TNFAIP6: variants seen among roughly 807,000 people sequenced by gnomAD.
The protein encoded by TNFAIP6 is TNF alpha induced protein 6, also known as tumor necrosis factor-inducible gene 6 protein.
Under a neutral mutation model 33.7 loss-of-function variants are expected in TNFAIP6, and 36 were observed. That is an observed-to-expected ratio of 1.07 (90% CI 0.82 to 1.41). The LOEUF is 1.41. Ranked by LOEUF, TNFAIP6 falls within the 40% of genes most tolerant of loss-of-function variation. TNFAIP6 has a pLI of 0.00. For synonymous variants in TNFAIP6, 113 were observed against 112.8 expected, an observed-to-expected ratio of 1.00 and a Z score of -0.01; for missense variants, 273 against 331.9, an observed-to-expected ratio of 0.82 and a Z score of 1.38.
intron 1 of TNFAIP6, among the ~76,000 whole-genome samples, chr2:151,362,480 CTTTTTTTTTTTTTTTTTT>C (rs34640251): frequency 1.4e-4 from 8 of 56,942 alleles, no homozygotes; most frequent in Admixed American, 1.0e-3. Context: ...TTACTAAATT[CTTTTTTTTTTTTTTTTTT>C]TTTTTTTTTT....
intron 5 of TNFAIP6, among the ~76,000 whole-genome samples, chr2:151,374,866 C>T (rs1684875893): frequency 1.3e-5 from 2 of 152,168 alleles, no homozygotes; most frequent in Admixed American, 1.3e-4. Context: ...TGGCTCACGT[C>T]TGTAATCCCA....
At chr2:151,373,019 T>C (rs2152017421) in intron 4 of TNFAIP6, among the ~76,000 whole-genome samples, 1 of 152,240 alleles carries the variant, frequency 6.6e-6, no homozygotes, top group South Asian at 2.1e-4. Context: ...CACATATCTT[T>C]CCTTTAAAAT....
intron 5 of TNFAIP6, among the ~76,000 whole-genome samples, chr2:151,378,428 G>A (rs952696534): frequency 2.0e-5 from 3 of 151,582 alleles, no homozygotes; most frequent in African/African-American, 4.8e-5. Context: ...ACCCATCGCT[G>A]GTTTGACCTG....
In TNFAIP6 at chr2:151,373,565, C is replaced by T. The variant is rs1321757669; in HGVS notation, c.640C>T (p.Leu214Phe). ...CCTTTTCAGATACTGTGGAGATGAG[C>T]TTCCAGATGACATCATCAGTACAGG... ...GFVGRYCGDE[L>F]PDDIISTGNV... The change falls in exon 5 of 6, where the codon CTT becomes TTT. Residue 214 changes from leucine to phenylalanine, a missense_variant. Coordinates refer to ENST00000243347, the MANE Select transcript of TNFAIP6 (RefSeq NM_007115.4). 2 of 1,554,114 alleles carry T rather than the reference C, an allele frequency of 1.3e-6. No individual in the cohort carries two copies. The highest frequency in any genetic ancestry group is 8.7e-7 in the Non-Finnish European group (1 of 1,145,716).
At chr2:151,359,761 G>A (rs940551324) in intron 1 of TNFAIP6, among the ~76,000 whole-genome samples, 3 of 152,140 alleles carry the variant, frequency 2.0e-5, no homozygotes, top group Admixed American at 6.5e-5. Flanking sequence ...CTGGCAGGCC[G>A]CAAGTTGGAC....
intron 1 of TNFAIP6, among the ~76,000 whole-genome samples, chr2:151,359,433 C>G (rs532838960): frequency 2.0e-4 from 30 of 148,844 alleles, no homozygotes; most frequent in South Asian, 6.4e-4. Context: ...CTGTTGCCCA[C>G]GCTGGAGTGC....
chr2:151,366,074 CTGGA>C lies in TNFAIP6; in HGVS notation c.259_262del (p.Met87LeufsTer10). 6.2e-7 allele frequency: 1 copy of C among 1,614,062 alleles called. No individual in the cohort carries two copies. Among genetic ancestry groups the C allele is most frequent in the South Asian group, 1.1e-5 (1 of 91,080 alleles). On this transcript the variant is annotated frameshift_variant, in exon 3 of 6. Transcript: ENST00000243347. LOFTEE classifies it high-confidence loss of function. ...CTTGCAGGATTTCATGTCTGTGCTG[CTGGA>C]TGGATGGCTAAGGGCAGAGTTGGAT...
chr2:151,381,211 C>T (rs892255427), downstream of TNFAIP6, among the ~76,000 whole-genome samples: 1 of 152,130 alleles, frequency 6.6e-6, no homozygotes, highest in African/African-American at 2.4e-5. Context: ...GTGGCTCACT[C>T]CTGTAATCCC....
chr2:151,366,353 A>C (rs1684709669), intron 3 of TNFAIP6, 136 bp downstream of exon 3: 1 of 742,378 alleles, frequency 1.3e-6, no homozygotes, highest in African/African-American at 1.8e-5. Flanking sequence ...ACTACAATTC[A>C]TAAAGTGCTT....
intron 3 of TNFAIP6, among the ~76,000 whole-genome samples, chr2:151,366,850 C>T (rs908989302): frequency 1.2e-4 from 18 of 151,832 alleles, no homozygotes; most frequent in Middle Eastern, 3.4e-3. Flanking sequence ...ATATTTTTTC[C>T]ATGTTTGCTT....
intron 5 of TNFAIP6, 195 bp downstream of exon 5, chr2:151,373,784 G>A (rs1173661390): frequency 3.0e-6 from 1 of 331,708 alleles, no homozygotes; most frequent in East Asian, 4.5e-5. Context: ...CCAACTGCTT[G>A]CACTAAAAAA....
At chr2:151,381,192 C>T (rs1285787576), downstream of TNFAIP6, among the ~76,000 whole-genome samples, 1 of 152,086 alleles carries the variant, frequency 6.6e-6, no homozygotes, top group Non-Finnish European at 1.5e-5. Context: ...CCAGAATTCA[C>T]CGGGCGCAGT....
intron 3 of TNFAIP6, among the ~76,000 whole-genome samples, chr2:151,368,181 A>T (rs1280297942): frequency 1.3e-5 from 2 of 151,922 alleles, no homozygotes; most frequent in African/African-American, 4.8e-5. Flanking sequence ...TATGGGTTGC[A>T]TAACATCCTT....
intron 3 of TNFAIP6, chr2:151,368,235 A>G (rs1684750363): frequency 1.3e-5 from 2 of 153,894 alleles, no homozygotes; most frequent in Admixed American, 1.3e-4. Flanking sequence ...CCTGTGTGAT[A>G]GATAATGGGA....
intron 1 of TNFAIP6, among the ~76,000 whole-genome samples, chr2:151,361,403 A>G (rs186633621): frequency 3.6e-4 from 55 of 152,308 alleles, no homozygotes; most frequent in African/African-American, 1.3e-3. Flanking sequence ...TTCCGTATAC[A>G]TCACATTTTA....
At chr2:151,361,575 C>T (rs992496018) in intron 1 of TNFAIP6, among the ~76,000 whole-genome samples, 59 of 152,012 alleles carry the variant, frequency 3.9e-4, no homozygotes, top group Non-Finnish European at 7.4e-4. Flanking sequence ...TATTATAATA[C>T]GTAAGTAAGC....
At chr2:151,373,630 T>C (rs773028620) in intron 5 of TNFAIP6, 41 bp downstream of exon 5, 1 of 1,261,432 alleles carries the variant, frequency 7.9e-7, no homozygotes, top group South Asian at 1.7e-5. Context: ...GATTTGTTTC[T>C]TTACAGTGTC....
At chr2:151,362,310 T>C (rs1276343648) in intron 1 of TNFAIP6, among the ~76,000 whole-genome samples, 1 of 152,038 alleles carries the variant, frequency 6.6e-6, no homozygotes, top group East Asian at 1.9e-4. Context: ...TTGGGAAAAA[T>C]ATGTGAACTA....
At chr2:151,377,867 C>G (rs1460751762) in intron 5 of TNFAIP6, among the ~76,000 whole-genome samples, 1 of 152,074 alleles carries the variant, frequency 6.6e-6, no homozygotes, top group Admixed American at 6.6e-5. Context: ...AGCATGAACT[C>G]GGAAACCAGA....
Sources: gnomAD v4.1 joint callset for allele counts (sites outside exome capture counted in the v4.1 genomes callset) on GRCh38, gnomAD v4.1.1 for gene constraint, MANE v1.5 for transcripts, NCBI Gene and HGNC (gene_info 2026-07-23, HGNC 2026-07-21) for gene names.